Variants in WDR17 observed in about 807,000 individuals in gnomAD.
The protein encoded by WDR17 is WD repeat domain 17.
In WDR17, 143 loss-of-function variants were observed where a neutral mutation model predicts 161.7. That is an observed-to-expected ratio of 0.88 (90% CI 0.77 to 1.02). WDR17 has a LOEUF of 1.02. Ranked by LOEUF, WDR17 falls within the 50% of genes least tolerant of loss-of-function variation. The pLI, the probability that WDR17 is intolerant of heterozygous loss-of-function variation, is 0.00. For missense variants in WDR17, 1,469 were observed against 1,520.9 expected, an observed-to-expected ratio of 0.97 and a Z score of 0.57; for synonymous variants, 517 against 515.6, an observed-to-expected ratio of 1.00 and a Z score of -0.04.
chr4:176,131,701 A>G lies in WDR17; in HGVS notation c.1061A>G (p.Asp354Gly), dbSNP rs951944214. Residue 354 changes from aspartate to glycine, a missense_variant, in exon 7 of 29, where the codon GAT becomes GGT. Coordinates refer to ENST00000508596, the MANE Select transcript of WDR17 (RefSeq NM_181265.4). ...CFLDGGVGLYDMGAKKWDFLR... is the reference protein window; with the variant it reads ...CFLDGGVGLYGMGAKKWDFLR... The stretch of plus-strand genomic sequence containing the variant: ...TTGGATGGTGGAGTTGGACTTTATG[A>G]TATGGGAGCTAAGAAGTGGGATTTT... 4.3e-6 allele frequency: 7 copies of G among 1,612,602 alleles called. No homozygotes were observed. Among genetic ancestry groups the G allele is most frequent in the Non-Finnish European group, 5.1e-6 (6 of 1,179,462 alleles).
chr4:176,145,958 T>G, intron 11 of WDR17, 37 bp from the exon 12 acceptor site: 1 of 1,577,150 alleles, frequency 6.3e-7, no homozygotes, highest in Non-Finnish European at 8.7e-7. Flanking sequence ...ATATATCATA[T>G]TTATCCTATG....
intron 17 of WDR17, among the ~76,000 whole-genome samples, chr4:176,153,108 G>A (rs1037681214): frequency 2.6e-5 from 4 of 152,108 alleles, no homozygotes; most frequent in African/African-American, 7.2e-5. Context: ...GAAACTGCGG[G>A]GTTGGAGCCC....
chr4:176,176,922 T>A (rs1379474693), intron 26 of WDR17, 136 bp from the exon 27 acceptor site: 5 of 589,802 alleles, frequency 8.5e-6, no homozygotes, highest in Non-Finnish European at 1.2e-5. Flanking sequence ...GAAAATATTC[T>A]ATATGTATAT....
rs1304382143 is a variant in WDR17, at chr4:176,128,860, T to C, written c.913T>C (p.Phe305Leu). Reference sequence around the variant, plus strand: ...ACTTAATTCTCCTCCAAGAAAAAAGTGTAAGTAAAAATGTTATCAAAATTT... The same window carrying C: ...ACTTAATTCTCCTCCAAGAAAAAAGCGTAAGTAAAAATGTTATCAAAATTT... ...HVLNSPPRKK[F>L]SVQSPTKNHY... Residue 305 changes from phenylalanine to leucine, a missense_variant and splice_region_variant, in exon 6 of 29, where the codon TTT becomes CTT. By Grantham distance (22) the Phe-to-Leu change is conservative. Coordinates refer to ENST00000508596, the MANE Select transcript of WDR17 (RefSeq NM_181265.4). The C allele has an allele frequency of 1.3e-6, 2 of 1,565,980 alleles. No homozygotes were observed. Among genetic ancestry groups the C allele is most frequent in the Non-Finnish European group, 8.6e-7 (1 of 1,161,906 alleles).
At chr4:176,097,889 G>T (rs780383924) in intron 1 of WDR17, among the ~76,000 whole-genome samples, 1 of 151,888 alleles carries the variant, frequency 6.6e-6, no homozygotes, top group Non-Finnish European at 1.5e-5. Context: ...GAGATTATGA[G>T]AATTCAAAAT....
At chr4:176,086,610 A>G (rs1353288844) in intron 1 of WDR17, among the ~76,000 whole-genome samples, 2 of 151,822 alleles carry the variant, frequency 1.3e-5, no homozygotes, top group African/African-American at 4.8e-5. Flanking sequence ...TTTACATAAG[A>G]TCTTTCTTTT....
intron 16 of WDR17, 52 bp downstream of exon 16, chr4:176,150,645 A>G (rs374384592): frequency 2.6e-6 from 4 of 1,522,408 alleles, no homozygotes; most frequent in African/African-American, 2.8e-5. Flanking sequence ...TTGCCTTTTC[A>G]CTATTAAAAT....
rs1388430277 is a variant in WDR17 at position 176,139,915 on chromosome 4, C to T, written c.1383C>T (p.Cys461=). 6.2e-7 allele frequency: 1 copy of T among 1,611,306 alleles called. No homozygotes were observed. The highest frequency in any genetic ancestry group is 8.5e-7 in the Non-Finnish European group (1 of 1,178,500). The change falls in exon 10 of 29, where the codon TGC becomes TGT. Residue 461 remains cysteine, a synonymous_variant. Transcript: ENST00000508596. The part of the protein sequence containing the change: ...FNEHGTNGIF[C]IAWSHKDSKR... ...AGCATGGAACAAATGGAATATTCTG[C>T]ATTGCCTGGAGTCATAAAGATTCTA...
chr4:176,111,403 G>C (rs1739712972), intron 1 of WDR17, 172 bp from the exon 2 acceptor site: 3 of 496,190 alleles, frequency 6.0e-6, no homozygotes, highest in Non-Finnish European at 9.6e-6. Context: ...GATGTCTGCA[G>C]ACATTTAGGG....
chr4:176,125,062 T>C, intron 4 of WDR17, 42 bp from the exon 5 acceptor site: 2 of 1,600,672 alleles, frequency 1.2e-6, no homozygotes, highest in African/African-American at 1.3e-5. Context: ...ATTGATCTTT[T>C]CTGCAAGTTT....
At chr4:176,118,273 C>T (rs557836645) in intron 3 of WDR17, among the ~76,000 whole-genome samples, 89 of 152,224 alleles carry the variant, frequency 5.8e-4, no homozygotes, top group African/African-American at 1.9e-3. Context: ...CTTTCGCTTT[C>T]CTTGCTGTCT....
intron 22 of WDR17, among the ~76,000 whole-genome samples, chr4:176,165,933 G>A (rs1462240389): frequency 6.6e-6 from 1 of 152,108 alleles, no homozygotes; most frequent in Non-Finnish European, 1.5e-5. Flanking sequence ...TTTACTTTCA[G>A]GAGAAAGCTG....
At chr4:176,073,018 A>T (rs979517097) in intron 1 of WDR17, among the ~76,000 whole-genome samples, 5 of 152,110 alleles carry the variant, frequency 3.3e-5, no homozygotes, top group African/African-American at 1.2e-4. Flanking sequence ...TTTTTTCACC[A>T]GATGTCTTAT....
At chr4:176,100,299 T>C (rs1414819686) in intron 1 of WDR17, among the ~76,000 whole-genome samples, 1 of 152,156 alleles carries the variant, frequency 6.6e-6, no homozygotes, top group Admixed American at 6.6e-5. Context: ...TTATATCTCA[T>C]TGTAGTTTTA....
At chr4:176,118,260 G>A (rs1486417653) in intron 3 of WDR17, among the ~76,000 whole-genome samples, 1 of 152,046 alleles carries the variant, frequency 6.6e-6, no homozygotes, top group African/African-American at 2.4e-5. Context: ...ACTGTTTCTG[G>A]TCCTTTCGCT....
At chr4:176,112,782 T>C (rs1452608617) in intron 2 of WDR17, among the ~76,000 whole-genome samples, 1 of 152,138 alleles carries the variant, frequency 6.6e-6, no homozygotes, top group Non-Finnish European at 1.5e-5. Context: ...TTTTGCACTT[T>C]CTGGCACTTA....
chr4:176,163,048 T>C (rs1384568786), intron 21 of WDR17, 106 bp from the exon 22 acceptor site: 2 of 1,351,812 alleles, frequency 1.5e-6, no homozygotes, highest in Non-Finnish European at 2.1e-6. Flanking sequence ...TAAGAATAAT[T>C]GATTTATAGG....
intron 18 of WDR17, among the ~76,000 whole-genome samples, chr4:176,157,848 C>T (rs149893373): frequency 6.6e-6 from 1 of 151,996 alleles, no homozygotes; most frequent in Non-Finnish European, 1.5e-5. Flanking sequence ...ACAAAGGAAA[C>T]CTGACCAAGA....
intron 13 of WDR17, among the ~76,000 whole-genome samples, chr4:176,149,440 C>A (rs1358111292): frequency 1.3e-5 from 2 of 151,588 alleles, no homozygotes; most frequent in Non-Finnish European, 2.9e-5. Flanking sequence ...CAGCTAATTT[C>A]TGTATTTTTG....
Sources: gnomAD v4.1 joint callset for allele counts (sites outside exome capture counted in the v4.1 genomes callset) on GRCh38, gnomAD v4.1.1 for gene constraint, MANE v1.5 for transcripts, NCBI Gene and HGNC (gene_info 2026-07-23, HGNC 2026-07-21) for gene names.